PYM1: variants seen among roughly 807,000 people sequenced by gnomAD.
PYM1 encodes PYM1 exon junction complex associated factor.
Under a neutral mutation model 20.7 loss-of-function variants are expected in PYM1, and 7 were observed. The observed-to-expected ratio is 0.34, with a 90% CI of 0.19 to 0.64. The LOEUF (loss-of-function observed/expected upper bound fraction) is 0.64, where lower values mean the gene tolerates loss of function less well. PYM1 is among the 30% of genes least tolerant of loss of function. The pLI is 0.74. For missense variants in PYM1, 194 were observed against 250.0 expected (o/e 0.78, Z 1.51); for synonymous variants, 100 against 99.2 (o/e 1.01, Z -0.05).
chr12:55,917,583 T>C (rs1429264908), intron 1 of PYM1, among the ~76,000 whole-genome samples: 1 of 152,014 alleles, frequency 6.6e-6, no homozygotes, highest in Non-Finnish European at 1.5e-5. Flanking sequence ...CACTTATAAG[T>C]AGGAGCTAAA....
intron 1 of PYM1, among the ~76,000 whole-genome samples, chr12:55,919,678 A>G (rs1883065430): frequency 6.6e-6 from 1 of 151,948 alleles, no homozygotes; most frequent in Non-Finnish European, 1.5e-5. Flanking sequence ...CAGGCAGATC[A>G]CCTGAGGTCA....
At chr12:55,914,699 C>T (rs1882976923) in intron 1 of PYM1, among the ~76,000 whole-genome samples, 1 of 152,170 alleles carries the variant, frequency 6.6e-6, no homozygotes, top group Non-Finnish European at 1.5e-5. Context: ...TCACAGGTCT[C>T]AGCCTGCGGA....
chr12:55,921,390 C>G (rs988374937), intron 1 of PYM1, among the ~76,000 whole-genome samples: 1 of 151,744 alleles, frequency 6.6e-6, no homozygotes, highest in Non-Finnish European at 1.5e-5. Context: ...ATATAGCTAA[C>G]AAGTACTGTA....
intron 1 of PYM1, chr12:55,927,233 T>C (rs1309244739): frequency 5.8e-6 from 8 of 1,369,762 alleles, no homozygotes; most frequent in East Asian, 2.5e-5. Flanking sequence ...CACCATTTCA[T>C]GGGCGGAGGT....
intron 1 of PYM1, among the ~76,000 whole-genome samples, chr12:55,908,022 T>C (rs1221722722): frequency 6.7e-6 from 1 of 148,886 alleles, no homozygotes; most frequent in Admixed American, 6.7e-5. Context: ...GGTGGGCGGA[T>C]TACTTGAGGT....
intron 1 of PYM1, 35 bp downstream of exon 1, chr12:55,927,690 G>A (rs1416073444): frequency 2.6e-6 from 4 of 1,538,464 alleles, no homozygotes; most frequent in Non-Finnish European, 3.5e-6. Context: ...CCGCGGGAGG[G>A]GCGTGCAAGG....
chr12:55,908,673 G>A lies in PYM1; in HGVS notation c.38-5193C>T, dbSNP rs571222679. ...TCGAGACCAGCCTGGCCAAAATTGT[G>A]AAACCCCATCTCTACTAAAATACAA... On this transcript the variant is annotated intron_variant, in intron 1 of 2. Coordinates refer to ENST00000408946, the MANE Select transcript of PYM1 (RefSeq NM_032345.3). Among the ~76,000 whole-genome samples the A allele has an allele frequency of 2.0e-5, 3 of 151,972 alleles. No individual in the cohort carries two copies. The South Asian group carries it at 6.2e-4, about 32-fold the overall frequency.
chr12:55,911,470 C>T (rs1882921641), intron 1 of PYM1, among the ~76,000 whole-genome samples: 2 of 152,032 alleles, frequency 1.3e-5, no homozygotes, highest in South Asian at 4.1e-4. Flanking sequence ...TTTGCAGAGC[C>T]ATTTTAAGAT....
At chr12:55,923,995 G>C (rs1378985644) in intron 1 of PYM1, among the ~76,000 whole-genome samples, 2 of 151,792 alleles carry the variant, frequency 1.3e-5, no homozygotes, top group African/African-American at 2.4e-5. Flanking sequence ...AGAATCACTT[G>C]AACCAGGGAG....
intron 1 of PYM1, among the ~76,000 whole-genome samples, chr12:55,919,701 C>G (rs975165474): frequency 2.6e-5 from 4 of 151,786 alleles, no homozygotes; most frequent in African/African-American, 9.7e-5. Context: ...AGTTCGAGAC[C>G]AGCCTGGCCA....
intron 1 of PYM1, among the ~76,000 whole-genome samples, chr12:55,909,689 T>TA (rs1411909309): frequency 5.3e-5 from 8 of 151,736 alleles, no homozygotes; most frequent in African/African-American, 1.9e-4. Context: ...CACTGGAACG[T>TA]AAGAGACTAA....
chr12:55,918,713 C>T (rs904715023), intron 1 of PYM1, among the ~76,000 whole-genome samples: 1 of 151,990 alleles, frequency 6.6e-6, no homozygotes, highest in Non-Finnish European at 1.5e-5. Context: ...ACTAAAAATA[C>T]AAAAATTAGC....
Position 55,917,277 on chromosome 12 carries a change from C to T in PYM1, c.37+10448G>A, listed in dbSNP as rs184671008. Among the ~76,000 whole-genome samples the T allele has an allele frequency of 7.8e-4, 117 of 149,660 alleles. 1 individual carries two copies. Among genetic ancestry groups the T allele is most frequent in the African/African-American group, 2.7e-3 (111 of 40,666 alleles). On this transcript the variant is annotated intron_variant, in intron 1 of 2. Coordinates refer to ENST00000408946, the MANE Select transcript of PYM1 (RefSeq NM_032345.3). The stretch of plus-strand genomic sequence containing the variant: ...TCTACTAAAAATAAAAAAAATTAGC[C>T]GGGCGTGGTGGTGGGTGCCTATAAT...
chr12:55,901,845 C>A lies in PYM1; in HGVS notation c.*27G>T. On this transcript the variant is annotated 3_prime_UTR_variant, in exon 3 of 3. Coordinates refer to ENST00000408946, the MANE Select transcript of PYM1 (RefSeq NM_032345.3). Reference sequence around the variant, plus strand: ...CCAGAGAGCCCCACGGTTTGTTCTGCAGTCCATTCCCTATTCCCCAAAGGC... The same window carrying A: ...CCAGAGAGCCCCACGGTTTGTTCTGAAGTCCATTCCCTATTCCCCAAAGGC... The A allele has an allele frequency of 6.4e-7, 1 of 1,572,846 alleles. No homozygotes were observed.
At chr12:55,921,645 G>A (rs1441029187) in intron 1 of PYM1, among the ~76,000 whole-genome samples, 1 of 152,110 alleles carries the variant, frequency 6.6e-6, no homozygotes, top group Admixed American at 6.6e-5. Flanking sequence ...CCGCAGGACT[G>A]GAGCAGAGAA....
chr12:55,923,333 G>T (rs1482283733), intron 1 of PYM1, among the ~76,000 whole-genome samples: 1 of 151,882 alleles, frequency 6.6e-6, no homozygotes, highest in Non-Finnish European at 1.5e-5. Flanking sequence ...TGGGAGGCCA[G>T]GGCGTGAGGA....
At chr12:55,923,366 G>A (rs1006912762) in intron 1 of PYM1, among the ~76,000 whole-genome samples, 2 of 151,960 alleles carry the variant, frequency 1.3e-5, no homozygotes, top group African/African-American at 4.8e-5. Flanking sequence ...AGGAATTTGA[G>A]ATCAGACTGG....
chr12:55,915,090 C>G (rs1370392052), intron 1 of PYM1, among the ~76,000 whole-genome samples: 1 of 151,838 alleles, frequency 6.6e-6, no homozygotes, highest in African/African-American at 2.4e-5. Flanking sequence ...AGGCACATGC[C>G]TGCAGTCCCA....
rs1882729544 is a variant in PYM1 at position 55,903,389 on chromosome 12, T to C, written c.129A>G (p.Pro43=). ...CTACGCAAAGCCTAACCACGTACACTGGGACCTCCTCCTGGGGCACATATC... is the reference window on the plus strand; with the variant it reads ...CTACGCAAAGCCTAACCACGTACACCGGGACCTCCTCCTGGGGCACATATC... ...KEGYVPQEEV[P]VYENKYVKFF... Residue 43 remains proline (P), a splice_region_variant and synonymous_variant, in exon 2 of 3, where the codon CCA becomes CCG. Coordinates refer to ENST00000408946, the MANE Select transcript of PYM1 (RefSeq NM_032345.3). 1.9e-6 allele frequency: 3 copies of C among 1,613,946 alleles called. No individual in the cohort carries two copies. The highest frequency in any genetic ancestry group is 2.5e-6 in the Non-Finnish European group (3 of 1,179,916).
Sources: allele counts gnomAD v4.1 joint callset (sites outside exome capture counted in the v4.1 genomes callset), GRCh38; gene constraint gnomAD v4.1.1; transcripts MANE v1.5; gene names NCBI Gene and HGNC (gene_info 2026-07-23, HGNC 2026-07-21).